The following ANAPC4 variants were observed in gnomAD, a reference collection of about 807,000 sequenced individuals.
ANAPC4 encodes the protein anaphase promoting complex subunit 4, also known as anaphase-promoting complex subunit 4.
In ANAPC4, 63 loss-of-function variants were observed where a neutral mutation model predicts 119.8. The ratio of observed to expected loss-of-function variants is 0.53; its 90% CI spans 0.43 to 0.65. The LOEUF (loss-of-function observed/expected upper bound fraction) is 0.65, where lower values mean the gene tolerates loss of function less well. Ranked by LOEUF, ANAPC4 falls within the 30% of genes least tolerant of loss-of-function variation. The pLI is 0.00. For missense variants in ANAPC4, 716 were observed against 945.1 expected (o/e 0.76, Z 3.18); for synonymous variants, 283 against 318.6 (o/e 0.89, Z 1.19).
intron 9 of ANAPC4, 111 bp from the exon 10 acceptor site, chr4:25,392,227 G>A: frequency 2.7e-6 from 2 of 746,016 alleles, no homozygotes; most frequent in Non-Finnish European, 4.7e-6. Flanking sequence ...CTCAAAGAGG[G>A]CACAATTCTG....
chr4:25,384,362 A>G (rs552150027), intron 4 of ANAPC4, among the ~76,000 whole-genome samples: 3 of 152,362 alleles, frequency 2.0e-5, no homozygotes, highest in South Asian at 4.1e-4. Context: ...AACTTCTTCC[A>G]AACTCCTGTT....
At chr4:25,384,063 T>C (rs1243126790) in intron 4 of ANAPC4, among the ~76,000 whole-genome samples, 1 of 152,264 alleles carries the variant, frequency 6.6e-6, no homozygotes, top group Non-Finnish European at 1.5e-5. Flanking sequence ...CCAACTCTAC[T>C]GCTGCTTTAT....
At chr4:25,414,079 T>C in intron 22 of ANAPC4, 1 of 468,224 alleles carries the variant, frequency 2.1e-6, no homozygotes, top group Non-Finnish European at 3.7e-6. Flanking sequence ...GAATGAATGG[T>C]TGTTATGAGA....
chr4:25,407,483 T>C (rs1723316830), intron 20 of ANAPC4, among the ~76,000 whole-genome samples: 1 of 152,042 alleles, frequency 6.6e-6, no homozygotes, highest in East Asian at 1.9e-4. Flanking sequence ...GCACCTGTAA[T>C]CCCAGCTACT....
At chr4:25,398,529 G>C (rs1489409949) in intron 16 of ANAPC4, among the ~76,000 whole-genome samples, 1 of 152,100 alleles carries the variant, frequency 6.6e-6, no homozygotes, top group Non-Finnish European at 1.5e-5. Flanking sequence ...GGTAGGAGGT[G>C]GATTGACAGG....
chr4:25,417,442 TTATAG>T (rs1230144185), intron 27 of ANAPC4, 169 bp from the exon 28 acceptor site: 1 of 625,666 alleles, frequency 1.6e-6, no homozygotes, highest in Admixed American at 3.8e-5. Flanking sequence ...TATGGAATTT[TTATAG>T]AATATTATAT....
rs745701261 is a variant in ANAPC4, at chr4:25,415,560, T to C, written c.1901+20T>C. 6.3e-7 allele frequency: 1 copy of C among 1,598,214 alleles called. No individual in the cohort carries two copies. Among genetic ancestry groups the C allele is most frequent in the East Asian group, 2.2e-5 (1 of 44,730 alleles). ...AAGAAGGTAAGTCTTGAATCTTGTT[T>C]GGATGAAATGTAGATACATGTGATA... On this transcript the variant is annotated intron_variant, in intron 26 of 28. Coordinates refer to ENST00000315368, the MANE Select transcript of ANAPC4 (RefSeq NM_013367.3).
intron 4 of ANAPC4, among the ~76,000 whole-genome samples, chr4:25,387,569 G>A (rs941853769): frequency 6.6e-6 from 1 of 152,334 alleles, no homozygotes; most frequent in South Asian, 2.1e-4. Context: ...TCTGCTGTGT[G>A]TATTCCCAAC....
chr4:25,384,592 C>A (rs750383078), intron 4 of ANAPC4, among the ~76,000 whole-genome samples: 13 of 152,096 alleles, frequency 8.5e-5, no homozygotes, highest in Non-Finnish European at 1.9e-4. Context: ...CTTTGGGAGG[C>A]CAAGGTAGGC....
intron 27 of ANAPC4, 51 bp downstream of exon 27, chr4:25,416,649 G>A (rs770679610): frequency 1.5e-6 from 2 of 1,373,064 alleles, no homozygotes; most frequent in Non-Finnish European, 1.9e-6. Flanking sequence ...TTTTTTTAAT[G>A]CACATTATAA....
chr4:25,385,681 C>G (rs1035987791), intron 4 of ANAPC4, among the ~76,000 whole-genome samples: 2 of 152,180 alleles, frequency 1.3e-5, no homozygotes, highest in Non-Finnish European at 2.9e-5. Context: ...GCAAAAGAAG[C>G]CTAGCTTTTG....
chr4:25,396,819 A>G, intron 15 of ANAPC4, 29 bp from the exon 16 acceptor site: 1 of 1,609,326 alleles, frequency 6.2e-7, no homozygotes, highest in East Asian at 2.2e-5. Flanking sequence ...TTATTTGACA[A>G]ATGACGTTTA....
At chr4:25,382,321 AGCTCCTTAGAT>A (rs1355329916) in intron 3 of ANAPC4, among the ~76,000 whole-genome samples, 4 of 152,236 alleles carry the variant, frequency 2.6e-5, no homozygotes, top group Non-Finnish European at 2.9e-5. Context: ...CTTTGCCAGT[AGCTCCTTAGAT>A]TAACACCCAA....
chr4:25,396,681 T>C lies in ANAPC4; in HGVS notation c.1079T>C (p.Leu360Ser). 6.2e-7 allele frequency: 1 copy of C among 1,612,240 alleles called. No homozygotes were observed. The highest frequency in any genetic ancestry group is 8.5e-7 in the Non-Finnish European group (1 of 1,179,342). Residue 360 changes from leucine (L) to serine (S), a missense_variant, in exon 15 of 29, where the codon TTA becomes TCA. Leu to Ser is a moderately radical substitution (Grantham distance 145). Transcript: ENST00000315368. ...TTGGATAGTGGCTCGGAGTCTTTAT[T>C]ATACCATTTGAGTGAATTGAAAGGA... ...SHLQSGSESL[L>S]YHLSELKGMA...
rs756315710 is a variant in ANAPC4, at chr4:25,383,239, T to C, written c.236-22T>C. 16 of 1,579,396 alleles carry C rather than the reference T, an allele frequency of 1.0e-5. No homozygotes were observed. The East Asian group carries it at 3.2e-4, about 31-fold the overall frequency. On this transcript the variant is annotated intron_variant, in intron 3 of 28. Coordinates refer to ENST00000315368, the MANE Select transcript of ANAPC4 (RefSeq NM_013367.3). ...TCTCAATTGTTACACTAATTTATTC[T>C]GATTGTTTTTTCTTGTTTTAGTTTT...
chr4:25,396,957 A>G (rs1464308955), intron 16 of ANAPC4, 58 bp downstream of exon 16: 5 of 1,479,284 alleles, frequency 3.4e-6, no homozygotes, highest in Non-Finnish European at 4.6e-6. Flanking sequence ...TTTGACCTAA[A>G]TAAGAACCTA....
chr4:25,416,683 G>A (rs546680066), intron 27 of ANAPC4, 85 bp downstream of exon 27: 10 of 1,127,698 alleles, frequency 8.9e-6, no homozygotes, highest in Non-Finnish European at 1.2e-5. Context: ...AGGTACGCTA[G>A]ATAATGGTTA....
chr4:25,409,630 CT>C (rs1253911580), intron 20 of ANAPC4, 67 bp from the exon 21 acceptor site: 12 of 1,241,736 alleles, frequency 9.7e-6, no homozygotes, highest in Admixed American at 4.3e-5. Flanking sequence ...TTGTCTTTTA[CT>C]TTTTTTCTTT....
intron 20 of ANAPC4, among the ~76,000 whole-genome samples, chr4:25,407,770 C>G (rs1266568761): frequency 1.3e-5 from 2 of 152,012 alleles, no homozygotes; most frequent in Non-Finnish European, 2.9e-5. Flanking sequence ...TGGCTCATGC[C>G]TATAATCCCA....
Sources: allele counts gnomAD v4.1 joint callset (sites outside exome capture counted in the v4.1 genomes callset), GRCh38; gene constraint gnomAD v4.1.1; transcripts MANE v1.5; gene names NCBI Gene and HGNC (gene_info 2026-07-23, HGNC 2026-07-21).